C8orf34: variants seen among roughly 807,000 people sequenced by gnomAD.
The protein encoded by C8orf34 is uncharacterized protein C8orf34.
C8orf34 carries 65 observed loss-of-function variants against 68.3 expected under a neutral mutation model. That is an observed-to-expected ratio of 0.95 (90% CI 0.78 to 1.17). C8orf34 has a LOEUF of 1.17. Among genes scored for constraint, C8orf34 ranks in the 50% most tolerant of loss-of-function variants. The probability of loss-of-function intolerance (pLI) is 0.00; values close to 1 mark genes in which losing one functional copy is unlikely to be tolerated. For missense variants in C8orf34, 664 were observed against 655.4 expected (o/e 1.01, Z -0.14); for synonymous variants, 244 against 241.2 (o/e 1.01, Z -0.11).
chr8:68,343,718 C>T (rs754090862), intron 1 of C8orf34, among the ~76,000 whole-genome samples: 16 of 151,920 alleles, frequency 1.1e-4, no homozygotes, highest in South Asian at 4.2e-4. Context: ...CTCAGCCTCA[C>T]GAGTAGCTGG....
rs560276462 is a variant in C8orf34 at position 68,595,979 on chromosome 8, C to A, written c.1106-44397C>A. 2.0e-5 allele frequency among the ~76,000 whole-genome samples: 3 copies of A among 152,102 alleles called. No homozygotes were observed. The East Asian group carries it at 5.8e-4, about 29-fold the overall frequency. On this transcript the variant is annotated intron_variant, in intron 7 of 13. Coordinates refer to ENST00000518698, the MANE Select transcript of C8orf34 (RefSeq NM_052958.4). ...ATTACTCATTTTTGCTGTATGTTTC[C>A]AATATCACCCTTTATGTCTCTGAAG...
chr8:68,439,520 A>T lies in C8orf34; in HGVS notation c.349A>T (p.Thr117Ser), dbSNP rs778292497. The T allele has an allele frequency of 3.1e-6, 5 of 1,613,450 alleles. No homozygotes were observed. Among genetic ancestry groups the T allele is most frequent in the Admixed American group, 3.3e-5 (2 of 59,968 alleles). The change falls in exon 2 of 14, where the codon ACT becomes TCT. Residue 117 changes from threonine (T) to serine (S), a missense_variant. Coordinates refer to ENST00000518698, the MANE Select transcript of C8orf34 (RefSeq NM_052958.4). The part of the protein sequence containing the change: ...LFEELMTKLI[T>S]ETPDQPIPFL... The stretch of plus-strand genomic sequence containing the variant: ...TCAGGAATTAATGACCAAGTTAATA[A>T]CTGAGACACCTGACCAGCCAATCCC...
chr8:68,772,837 TTCTTTC>T (rs1823391284), intron 10 of C8orf34, among the ~76,000 whole-genome samples: 1 of 147,504 alleles, frequency 6.8e-6, no homozygotes, highest in Non-Finnish European at 1.5e-5. Context: ...TTTCTTTTCT[TTCTTTC>T]TCTCTTTCTC....
chr8:68,708,916 A>G, intron 8 of C8orf34, 78 bp from the exon 9 acceptor site: 2 of 1,001,176 alleles, frequency 2.0e-6, no homozygotes, highest in Non-Finnish European at 3.1e-6. Context: ...GTTCACAGCC[A>G]TGTCCCCCAT....
intron 8 of C8orf34, among the ~76,000 whole-genome samples, chr8:68,654,624 C>T (rs1819461074): frequency 6.6e-6 from 1 of 152,052 alleles, no homozygotes; most frequent in Non-Finnish European, 1.5e-5. Flanking sequence ...TATTGATTTA[C>T]ATACATAGTA....
intron 3 of C8orf34, among the ~76,000 whole-genome samples, chr8:68,449,622 C>T (rs1811263100): frequency 6.6e-6 from 1 of 152,034 alleles, no homozygotes; most frequent in Non-Finnish European, 1.5e-5. Context: ...TATTTATATT[C>T]TACTCTACTG....
intron 8 of C8orf34, among the ~76,000 whole-genome samples, chr8:68,693,955 T>A (rs1820755849): frequency 6.6e-6 from 1 of 152,090 alleles, no homozygotes. Flanking sequence ...GGAGGAATAT[T>A]GCAATGTGCC....
At chr8:68,800,498 G>A (rs1238202950) in intron 12 of C8orf34, among the ~76,000 whole-genome samples, 4 of 152,156 alleles carry the variant, frequency 2.6e-5, no homozygotes, top group Non-Finnish European at 5.9e-5. Flanking sequence ...CTTTTACTGA[G>A]TATAGTTATT....
chr8:68,769,189 T>G (rs895673244), intron 10 of C8orf34, among the ~76,000 whole-genome samples: 1 of 152,078 alleles, frequency 6.6e-6, no homozygotes, highest in African/African-American at 2.4e-5. Flanking sequence ...TTCCCTTGCT[T>G]TTTGTTTTCT....
At chr8:68,618,835 A>G (rs1352030334) in intron 7 of C8orf34, among the ~76,000 whole-genome samples, 1 of 152,250 alleles carries the variant, frequency 6.6e-6, no homozygotes, top group African/African-American at 2.4e-5. Flanking sequence ...TCAGCCTTCA[A>G]TAATGGATGT....
At chr8:68,419,728 A>T (rs1375286370) in intron 1 of C8orf34, among the ~76,000 whole-genome samples, 1 of 151,080 alleles carries the variant, frequency 6.6e-6, no homozygotes, top group African/African-American at 2.4e-5. Flanking sequence ...TATCGCAAGA[A>T]CAAAAAACCA....
At chr8:68,372,535 A>G (rs1261632363) in intron 1 of C8orf34, among the ~76,000 whole-genome samples, 2 of 152,262 alleles carry the variant, frequency 1.3e-5, no homozygotes, top group East Asian at 3.9e-4. Flanking sequence ...ATAGCAAGCA[A>G]TCAAGAGGGA....
chr8:68,757,795 C>T (rs1041746380), intron 10 of C8orf34, among the ~76,000 whole-genome samples: 24 of 152,096 alleles, frequency 1.6e-4, no homozygotes, highest in African/African-American at 4.3e-4. Flanking sequence ...CTGTGGAGTT[C>T]CAGAGACCCA....
rs754428334 is a variant in C8orf34, at chr8:68,818,285, G to T, written c.*39G>T. 1.2e-6 allele frequency: 2 copies of T among 1,603,788 alleles called. No homozygotes were observed. The highest frequency in any genetic ancestry group is 3.3e-5 in the Admixed American group (2 of 59,852). On this transcript the variant is annotated 3_prime_UTR_variant, in exon 14 of 14. Coordinates refer to ENST00000518698, the MANE Select transcript of C8orf34 (RefSeq NM_052958.4). Reference sequence around the variant, plus strand: ...AGTTGCAAGTGGTCCTTAAAGAAATGCAGTTATTCAAATCCTTATGTATAG... The same window carrying T: ...AGTTGCAAGTGGTCCTTAAAGAAATTCAGTTATTCAAATCCTTATGTATAG...
At chr8:68,804,109 A>T (rs1824413742) in intron 12 of C8orf34, among the ~76,000 whole-genome samples, 1 of 152,316 alleles carries the variant, frequency 6.6e-6, no homozygotes, top group Admixed American at 6.5e-5. Flanking sequence ...CTAACAAAGC[A>T]TCCTTACTGA....
chr8:68,569,692 A>T (rs1191887879), intron 7 of C8orf34, among the ~76,000 whole-genome samples: 1 of 152,226 alleles, frequency 6.6e-6, no homozygotes, highest in Non-Finnish European at 1.5e-5. Context: ...TAGTTTAGCT[A>T]AGTTGTCAGA....
chr8:68,769,823 A>AT (rs1823287663), intron 10 of C8orf34, among the ~76,000 whole-genome samples: 1 of 152,134 alleles, frequency 6.6e-6, no homozygotes, highest in Admixed American at 6.6e-5. Flanking sequence ...ATTAAAAACA[A>AT]TTTTTGCCCT....
At chr8:68,450,980 A>T (rs1811320097) in intron 3 of C8orf34, among the ~76,000 whole-genome samples, 1 of 152,156 alleles carries the variant, frequency 6.6e-6, no homozygotes, top group Non-Finnish European at 1.5e-5. Context: ...TGTTTTGTCT[A>T]CATTGACAAT....
chr8:68,684,591 A>G (rs932920946), intron 8 of C8orf34, among the ~76,000 whole-genome samples: 1 of 152,108 alleles, frequency 6.6e-6, no homozygotes, highest in East Asian at 1.9e-4. Flanking sequence ...TGCCACATTA[A>G]TTGTCTGACT....
Sources: allele counts gnomAD v4.1 joint callset (sites outside exome capture counted in the v4.1 genomes callset), GRCh38; gene constraint gnomAD v4.1.1; transcripts MANE v1.5; gene names NCBI Gene and HGNC (gene_info 2026-07-23, HGNC 2026-07-21).